SHROOM1: variants seen among roughly 807,000 people sequenced by gnomAD.
The protein encoded by SHROOM1 is shroom family member 1, also known as protein Shroom1.
Under a neutral mutation model 64.2 loss-of-function variants are expected in SHROOM1, and 53 were observed. That is an observed-to-expected ratio of 0.83 (90% CI 0.66 to 1.04). SHROOM1 has a LOEUF of 1.04. Among genes scored for constraint, SHROOM1 ranks in the 50% least tolerant of loss-of-function variants. The pLI, the probability that SHROOM1 is intolerant of heterozygous loss-of-function variation, is 0.00. For missense variants in SHROOM1, 1,179 were observed against 1,163.2 expected (o/e 1.01, Z -0.20); for synonymous variants, 490 against 518.9 (o/e 0.94, Z 0.76).
At position 132,825,668 on chromosome 5, in the gene SHROOM1, A is replaced by C. The variant is rs1758661574; in HGVS notation, c.473T>G (p.Phe158Cys). Residue 158 changes from phenylalanine to cysteine, a missense_variant, in exon 4 of 10, where the codon TTC (phenylalanine) becomes TGC (cysteine). Phe to Cys is a radical substitution (Grantham distance 205). Transcript: ENST00000378679. This position sits in a 1 kb window ranked among gnomAD's most constrained non-coding sequence, Gnocchi z 5.1. The part of the protein sequence containing the change: ...AQRRVLRETS[F>C]QRKELRMSLP... Reference sequence around the variant, plus strand: ...GCTCATGCGGAGCTCCTTGCGCTGGAACGACGTCTCCCGGAGCACTCGCCG... The same window carrying C: ...GCTCATGCGGAGCTCCTTGCGCTGGCACGACGTCTCCCGGAGCACTCGCCG... 1.5e-6 allele frequency: 2 copies of C among 1,357,138 alleles called. No homozygotes were observed. The highest frequency in any genetic ancestry group is 1.9e-6 in the Non-Finnish European group (2 of 1,061,324). 84.1% of individuals were successfully genotyped at this position (1,357,138 alleles called of 1,614,324 possible). A position where few individuals can be genotyped will look rare whatever the true frequency, so the allele number is the denominator to read the frequency against.
chr5:132,824,249 G>A lies in SHROOM1; in HGVS notation c.1412C>T (p.Pro471Leu), dbSNP rs1758573842. The change falls in exon 7 of 10, where the codon CCC (proline) becomes CTC (leucine). Residue 471 changes from proline (P) to leucine (L), a missense_variant. Transcript: ENST00000378679. ...GATGTTATCATTTGCAGTCCCAGTGGGGGTGTGGCTTGTGGGCCTGGAAAT... is the reference window on the plus strand; with the variant it reads ...GATGTTATCATTTGCAGTCCCAGTGAGGGTGTGGCTTGTGGGCCTGGAAAT... ...VGISRPTSHTPTGTANDNIPT... is the reference protein window; with the variant it reads ...VGISRPTSHTLTGTANDNIPT... 1.2e-6 allele frequency: 2 copies of A among 1,614,086 alleles called. No homozygotes were observed. Among genetic ancestry groups the A allele is most frequent in the Admixed American group, 3.3e-5 (2 of 60,022 alleles).
rs746535547 is a variant in SHROOM1 at position 132,822,857 on chromosome 5, G to C, written c.2498C>G (p.Pro833Arg). 1.9e-4 allele frequency: 300 copies of C among 1,613,216 alleles called. No homozygotes were observed. Among genetic ancestry groups the C allele is most frequent in the Non-Finnish European group, 2.2e-4 (254 of 1,179,904 alleles). The change falls in exon 10 of 10, where the codon CCG becomes CGG. Residue 833 changes from proline to arginine, a missense_variant. Transcript: ENST00000378679. ...DLGHHAPSPS[P>R]ARPPGTCPPV... ...AGGACAGGTCCCTGGGGGCCGCGCC[G>C]GGCTGGGAGACGGGGCATGATGGCC... is the stretch of plus-strand genomic sequence containing the variant.
rs1758588708 is a variant in SHROOM1, at chr5:132,824,500, C to A, written c.1242-81G>T. 6 of 1,519,210 alleles carry A rather than the reference C, an allele frequency of 3.9e-6. No individual in the cohort carries two copies. The Admixed American group carries it at 6.2e-5, about 16-fold the overall frequency. 94.1% of individuals were successfully genotyped at this position (1,519,210 alleles called of 1,614,324 possible). On this transcript the variant is annotated intron_variant, in intron 6 of 9. Coordinates refer to ENST00000378679, the MANE Select transcript of SHROOM1 (RefSeq NM_001172700.2). Reference sequence around the variant, plus strand: ...GCCTCCAAGGGCCATCTGTCCCTACCCCCATCACCTGGAATCCCAGGCTCC... The same window carrying A: ...GCCTCCAAGGGCCATCTGTCCCTACACCCATCACCTGGAATCCCAGGCTCC...
chr5:132,828,464 C>T (rs1215277690), intron 1 of SHROOM1, among the ~76,000 whole-genome samples: 1 of 152,058 alleles, frequency 6.6e-6, no homozygotes, highest in Non-Finnish European at 1.5e-5. Flanking sequence ...GTAGCAGCTC[C>T]TGGGAGGACA....
rs955565753 is a variant in SHROOM1, at chr5:132,825,916, G to T, written c.225C>A (p.Pro75=). 1 of 1,364,986 alleles carries T rather than the reference G, an allele frequency of 7.3e-7. No individual in the cohort carries two copies. The highest frequency in any genetic ancestry group is 9.5e-7 in the Non-Finnish European group (1 of 1,052,130). 84.6% of individuals were successfully genotyped at this position (1,364,986 alleles called of 1,614,324 possible). A position where few individuals can be genotyped will look rare whatever the true frequency, so the allele number is the denominator to read the frequency against. The change falls in exon 4 of 10, where the codon CCC becomes CCA. Residue 75 remains proline (P), a synonymous_variant. Transcript: ENST00000378679. This position sits in a 1 kb window ranked among gnomAD's most constrained non-coding sequence, Gnocchi z 5.1. ...GCGGGGATGTGCAAAGGGCAGCGTC[G>T]GGCGGGGCGGGGCCCGGGCCGCCCC... ...VVWGGPGPAP[P]DAALCTSPRP...
chr5:132,826,447 G>T lies in SHROOM1; in HGVS notation c.-213C>A, dbSNP rs1758706108. 1 of 381,092 alleles carries T rather than the reference G, an allele frequency of 2.6e-6. No individual in the cohort carries two copies. Among genetic ancestry groups the T allele is most frequent in the Non-Finnish European group, 4.4e-6 (1 of 225,794 alleles). 23.6% of individuals were successfully genotyped at this position (381,092 alleles called of 1,614,324 possible). A position where few individuals can be genotyped will look rare whatever the true frequency, so the allele number is the denominator to read the frequency against. On this transcript the variant is annotated 5_prime_UTR_variant, in exon 3 of 10. Transcript: ENST00000378679. ...TTGGGACCAGCTCATTCCCTGCCAG[G>T]CTCCCCTTGCCCACACAAGCAGCCT...
In SHROOM1 at chr5:132,825,611, G is replaced by A; in HGVS notation, c.530C>T (p.Ala177Val). The A allele has an allele frequency of 7.3e-7, 1 of 1,366,968 alleles. No homozygotes were observed. Among genetic ancestry groups the A allele is most frequent in the Non-Finnish European group, 9.4e-7 (1 of 1,067,848 alleles). 84.7% of individuals were successfully genotyped at this position (1,366,968 alleles called of 1,614,324 possible). ...LPARLRPTVP[A>V]RPPATHPRSA... ...GCGCGGGTGAGTCGCCGGGGGCCGC[G>A]CTGGGACAGTGGGCCGCAGACGGGC... is the stretch of plus-strand genomic sequence containing the variant. Residue 177 changes from alanine (A) to valine (V), a missense_variant, in exon 4 of 10, where the codon GCG (alanine) becomes GTG (valine). Coordinates refer to ENST00000378679, the MANE Select transcript of SHROOM1 (RefSeq NM_001172700.2). The surrounding 1 kb of genome is among the most constrained non-coding windows in gnomAD (Gnocchi z 5.1).
intron 2 of SHROOM1, among the ~76,000 whole-genome samples, chr5:132,827,068 T>C (rs1470616595): frequency 2.0e-5 from 3 of 152,188 alleles, no homozygotes; most frequent in Non-Finnish European, 2.9e-5. Context: ...CTGCCTTTCG[T>C]CTAGGAATGA....
intron 1 of SHROOM1, among the ~76,000 whole-genome samples, chr5:132,828,165 C>T (rs1385086288): frequency 6.6e-6 from 1 of 152,108 alleles, no homozygotes; most frequent in East Asian, 1.9e-4. Context: ...CAGAGTCACC[C>T]TCCACCCACG....
intron 1 of SHROOM1, among the ~76,000 whole-genome samples, chr5:132,828,517 C>T (rs1379104632): frequency 6.6e-6 from 1 of 152,156 alleles, no homozygotes. Context: ...CAGACATTAG[C>T]CCTTTCTCTT....
At position 132,825,504 on chromosome 5, in the gene SHROOM1, G is replaced by A; in HGVS notation, c.637C>T (p.Pro213Ser). Residue 213 changes from proline (P) to serine (S), a missense_variant, in exon 4 of 10, where the codon CCC (proline) becomes TCC (serine). Pro to Ser is a moderately conservative substitution (Grantham distance 74). Coordinates refer to ENST00000378679, the MANE Select transcript of SHROOM1 (RefSeq NM_001172700.2). This position sits in a 1 kb window ranked among gnomAD's most constrained non-coding sequence, Gnocchi z 5.1. ...APAPGTAGRG[P>S]LANQQRKWCF... ...CACTTCCGCTGCTGGTTGGCGAGGG[G>A]ACCCCGGCCGGCAGTTCCTGGCGCG... is the stretch of plus-strand genomic sequence containing the variant. 1 of 1,495,218 alleles carries A rather than the reference G, an allele frequency of 6.7e-7. No individual in the cohort carries two copies. Among genetic ancestry groups the A allele is most frequent in the South Asian group, 1.3e-5 (1 of 76,118 alleles). 92.6% of individuals were successfully genotyped at this position (1,495,218 alleles called of 1,614,324 possible).
At position 132,822,987 on chromosome 5, in the gene SHROOM1, A is replaced by C. The variant is rs1401080860; in HGVS notation, c.2368T>G (p.Cys790Gly). The C allele has an allele frequency of 3.7e-6, 6 of 1,608,028 alleles. No individual in the cohort carries two copies. Among genetic ancestry groups the C allele is most frequent in the African/African-American group, 1.3e-5 (1 of 74,922 alleles). ...GCGGCCTTGCCCGCCAGCAGGGCGC[A>C]ATAGACGCGCAGCTCCTCCACCGGT... ...ALPVEELRVY[C>G]ALLAGKAAVL... The change falls in exon 10 of 10, where the codon TGC becomes GGC. Residue 790 changes from cysteine to glycine, a missense_variant. By Grantham distance (159) the Cys-to-Gly change is radical (BLOSUM62 -3). Coordinates refer to ENST00000378679, the MANE Select transcript of SHROOM1 (RefSeq NM_001172700.2).
chr5:132,829,765 G>A (rs1758795930), intron 1 of SHROOM1: 1 of 985,334 alleles, frequency 1.0e-6, no homozygotes, highest in Non-Finnish European at 1.2e-6. Context: ...AGTACCCGCA[G>A]CTGGGTCTGG....
At chr5:132,824,545 C>A in intron 6 of SHROOM1, 70 bp downstream of exon 6, 1 of 1,538,528 alleles carries the variant, frequency 6.5e-7, no homozygotes, top group Non-Finnish European at 8.8e-7. Context: ...AGCATTCCCA[C>A]CCCTCTAGCG....
chr5:132,830,397 G>T lies in SHROOM1; in HGVS notation c.-501+197C>A. ...CTGCAGCTCTGCAGCTGGGAGAGGC[G>T]CGCTGGGGTCCGACTCCACTGGCGC... On this transcript the variant is annotated intron_variant, in intron 1 of 9. Coordinates refer to ENST00000378679, the MANE Select transcript of SHROOM1 (RefSeq NM_001172700.2). The surrounding 1 kb of genome is among the most constrained non-coding windows in gnomAD (Gnocchi z 5.9). 2.0e-6 allele frequency: 2 copies of T among 985,026 alleles called. No homozygotes were observed. The highest frequency in any genetic ancestry group is 2.4e-6 in the Non-Finnish European group (2 of 829,798). The allele number at this position is 985,026 out of a possible 1,614,324, so 61.0% of individuals were successfully genotyped here.
rs186835366 is a variant in SHROOM1, at chr5:132,822,944, C to A, written c.2411G>T (p.Arg804Leu). Residue 804 changes from arginine to leucine, a missense_variant, in exon 10 of 10, where the codon CGC (arginine) becomes CTC (leucine). Coordinates refer to ENST00000378679, the MANE Select transcript of SHROOM1 (RefSeq NM_001172700.2). ...GAGGCGGATGCGCTCGTCCAGGTTG[C>A]GCTGCTGGGCCAGGACGGCGGCCTT... ...AGKAAVLAQQRNLDERIRLLQ... is the reference protein window; with the variant it reads ...AGKAAVLAQQLNLDERIRLLQ... 8 of 1,612,290 alleles carry A rather than the reference C, an allele frequency of 5.0e-6. No individual in the cohort carries two copies. The highest frequency in any genetic ancestry group is 6.8e-6 in the Non-Finnish European group (8 of 1,179,896).
chr5:132,824,078 G>A lies in SHROOM1; in HGVS notation c.1583C>T (p.Thr528Ile). ...TGTGGGCCTGGAACCAGGCTGGCCA[G>A]TGCCCCTGGCTAGGGCAGTATTGTG... Reference protein sequence around the residue: ...PSHNTALARGTGQPGSRPTWP... With the variant: ...PSHNTALARGIGQPGSRPTWP... The change falls in exon 7 of 10, where the codon ACT becomes ATT. Residue 528 changes from threonine to isoleucine, a missense_variant. Transcript: ENST00000378679. The A allele has an allele frequency of 6.2e-7, 1 of 1,613,516 alleles. No individual in the cohort carries two copies. The highest frequency in any genetic ancestry group is 1.3e-5 in the African/African-American group (1 of 75,070).
intron 1 of SHROOM1, chr5:132,829,548 C>A (rs1758789898): frequency 1.0e-6 from 1 of 981,518 alleles, no homozygotes. Context: ...ACCGAGGAGG[C>A]ACAGGAGAAC....
Position 132,822,619 on chromosome 5 carries a change from T to A in SHROOM1, c.*177A>T. On this transcript the variant is annotated 3_prime_UTR_variant, in exon 10 of 10. Coordinates refer to ENST00000378679, the MANE Select transcript of SHROOM1 (RefSeq NM_001172700.2). ...ACCTTGTGATCCGCCCGCCTCGGCC[T>A]CCCAAAGTGCTGGGATTACAGGCGT... 1.5e-6 allele frequency: 1 copy of A among 671,512 alleles called. No homozygotes were observed. Among genetic ancestry groups the A allele is most frequent in the Non-Finnish European group, 2.5e-6 (1 of 406,596 alleles). The allele number at this position is 671,512 out of a possible 1,614,324, so 41.6% of individuals were successfully genotyped here.
Sources: gnomAD v4.1 joint callset for allele counts (sites outside exome capture counted in the v4.1 genomes callset) on GRCh38, gnomAD v4.1.1 for gene constraint, Gnocchi (gnomAD v3.1) non-coding constraint, MANE v1.5 for transcripts, NCBI Gene and HGNC (gene_info 2026-07-23, HGNC 2026-07-21) for gene names.